The following ABCA13 variants were observed in gnomAD, a reference collection of about 807,000 sequenced individuals.
ABCA13 encodes ATP-binding cassette sub-family A member 13.
In ABCA13, 476 loss-of-function variants were observed where a neutral mutation model predicts 478.7. The observed-to-expected ratio is 0.99, with a 90% CI of 0.92 to 1.07. The LOEUF (loss-of-function observed/expected upper bound fraction) is 1.07. Among genes scored for constraint, ABCA13 ranks in the 50% least tolerant of loss-of-function variants. The probability of loss-of-function intolerance (pLI) is 0.00; values close to 1 mark genes in which losing one functional copy is unlikely to be tolerated. For missense variants in ABCA13, 6,060 were observed against 5,910.6 expected (o/e 1.03, Z -0.83); for synonymous variants, 2,252 against 2,158.9 (o/e 1.04, Z -1.20).
At position 48,274,422 on chromosome 7, in the gene ABCA13, A is replaced by G. The variant is rs372831261; in HGVS notation, c.4756A>G (p.Lys1586Glu). ...NLLNIFATSPKEKDVNSVGNS... is the reference protein window; with the variant it reads ...NLLNIFATSPEEKDVNSVGNS... ...GTTAAACATATTTGCCACCAGTCCA[A>G]AAGAAAAGGATGTAAACAGTGTAGG... is the stretch of plus-strand genomic sequence containing the variant. Residue 1586 changes from lysine to glutamate, a missense_variant, in exon 17 of 62, where the codon AAA (lysine) becomes GAA (glutamate). This residue lies in a region of ABCA13 where 4,423 missense variants were observed against 4,309.1 expected (regional missense o/e 1.03). Transcript: ENST00000435803. 3.1e-6 allele frequency: 5 copies of G among 1,612,940 alleles called. No homozygotes were observed. Among genetic ancestry groups the G allele is most frequent in the Non-Finnish European group, 2.5e-6 (3 of 1,179,572 alleles).
chr7:48,570,486 G>A (rs1787523873), intron 55 of ABCA13, among the ~76,000 whole-genome samples: 1 of 151,618 alleles, frequency 6.6e-6, no homozygotes, highest in South Asian at 2.1e-4. Context: ...CACCACGCCT[G>A]GCCAATTTTT....
chr7:48,332,113 GCATGGTC>G lies in ABCA13; in HGVS notation c.10000-3306_10000-3300del, dbSNP rs532211097. On this transcript the variant is annotated intron_variant, in intron 27 of 61. Coordinates refer to ENST00000435803, the MANE Select transcript of ABCA13 (RefSeq NM_152701.5). Reference sequence around the variant, plus strand: ...ATTGCTGAATAACATTCCCTGGTATGCATGGTCCACAGTTTCTTTAACCATTTACACA... The same window carrying G: ...ATTGCTGAATAACATTCCCTGGTATGCACAGTTTCTTTAACCATTTACACA... Among the ~76,000 whole-genome samples, 10 of 152,290 alleles carry G rather than the reference GCATGGTC, an allele frequency of 6.6e-5. No homozygotes were observed. The South Asian group carries it at 2.1e-3, about 32-fold the overall frequency.
intron 53 of ABCA13, among the ~76,000 whole-genome samples, chr7:48,523,891 A>T (rs559138009): frequency 7.2e-5 from 11 of 152,328 alleles, no homozygotes; most frequent in South Asian, 4.1e-4. Flanking sequence ...CTTGTTTAGT[A>T]AAAAGCACTT....
chr7:48,304,039 C>G (rs1053375353), intron 23 of ABCA13, among the ~76,000 whole-genome samples: 1 of 152,132 alleles, frequency 6.6e-6, no homozygotes, highest in African/African-American at 2.4e-5. Flanking sequence ...TTGATCATGA[C>G]TGTATCGACA....
chr7:48,471,999 T>C (rs1421545779), intron 45 of ABCA13, among the ~76,000 whole-genome samples: 2 of 152,326 alleles, frequency 1.3e-5, no homozygotes, highest in East Asian at 3.9e-4. Context: ...AGATGCCCCT[T>C]AGCTCTCTGA....
chr7:48,248,181 A>G, intron 13 of ABCA13, 58 bp from the exon 14 acceptor site: 1 of 1,450,602 alleles, frequency 6.9e-7, no homozygotes, highest in East Asian at 2.4e-5. Flanking sequence ...CTGCGTCTCA[A>G]ATACCCACAT....
chr7:48,420,731 CTT>C (rs35346221), intron 41 of ABCA13, among the ~76,000 whole-genome samples: 23 of 137,504 alleles, frequency 1.7e-4, no homozygotes, highest in Admixed American at 2.2e-4. Flanking sequence ...AGGGCTTGAT[CTT>C]TTTTTTTTTT....
chr7:48,186,365 T>A (rs1796350902), intron 1 of ABCA13, among the ~76,000 whole-genome samples: 1 of 152,128 alleles, frequency 6.6e-6, no homozygotes, highest in African/African-American at 2.4e-5. Context: ...TAAAGATATT[T>A]AACTATCTCT....
intron 31 of ABCA13, among the ~76,000 whole-genome samples, chr7:48,360,349 C>T (rs1810635343): frequency 6.6e-6 from 1 of 151,854 alleles, no homozygotes; most frequent in African/African-American, 2.4e-5. Context: ...TCATCCATGT[C>T]CCTACAAAGG....
At chr7:48,633,831 G>T (rs1338459417) in intron 59 of ABCA13, among the ~76,000 whole-genome samples, 1 of 152,100 alleles carries the variant, frequency 6.6e-6, no homozygotes, top group African/African-American at 2.4e-5. Context: ...AGAAATTGCA[G>T]TGAGCCAAGA....
At chr7:48,610,400 G>A (rs7811654) in intron 58 of ABCA13, among the ~76,000 whole-genome samples, 94,258 of 152,004 alleles carry the variant, frequency 0.62, 29,868 homozygotes, top group African/African-American at 0.74. Context: ...TGTGGGGCTC[G>A]GCTCCCAAGG....
chr7:48,346,839 A>G (rs531665631), intron 29 of ABCA13, among the ~76,000 whole-genome samples: 5 of 152,370 alleles, frequency 3.3e-5, no homozygotes, highest in Admixed American at 3.3e-4. Flanking sequence ...GAGCAAAGCC[A>G]TGTCTTGTCA....
intron 27 of ABCA13, among the ~76,000 whole-genome samples, chr7:48,329,982 C>A (rs1326106623): frequency 6.6e-6 from 1 of 151,536 alleles, no homozygotes; most frequent in Non-Finnish European, 1.5e-5. Context: ...TCTATGCATC[C>A]ATTCATCTAT....
chr7:48,268,549 G>A (rs1009799265), intron 15 of ABCA13, among the ~76,000 whole-genome samples: 7 of 152,134 alleles, frequency 4.6e-5, no homozygotes, highest in South Asian at 2.1e-4. Flanking sequence ...ATACTCAAGC[G>A]AAGCACACTG....
chr7:48,454,901 A>G (rs1408710833), intron 42 of ABCA13, 136 bp from the exon 43 acceptor site: 2 of 1,226,076 alleles, frequency 1.6e-6, no homozygotes, highest in Non-Finnish European at 2.2e-6. Context: ...CACTCAAGGG[A>G]GTCCTCATGG....
intron 23 of ABCA13, among the ~76,000 whole-genome samples, chr7:48,309,224 T>C (rs149327575): frequency 2.4e-4 from 36 of 152,168 alleles, no homozygotes; most frequent in Admixed American, 1.1e-3. Flanking sequence ...TCGGCCTCAG[T>C]TGGCCTGAAT....
intron 61 of ABCA13, 134 bp downstream of exon 61, chr7:48,644,888 TATG>T: frequency 9.9e-7 from 1 of 1,012,966 alleles, no homozygotes; most frequent in South Asian, 2.3e-5. Context: ...TTTATAAAAT[TATG>T]ATAAGGATGG....
At chr7:48,635,116 T>C (rs184641091) in intron 59 of ABCA13, among the ~76,000 whole-genome samples, 224 of 151,880 alleles carry the variant, frequency 1.5e-3, no homozygotes, top group African/African-American at 5.0e-3. Context: ...GCCTGTAGTT[T>C]AGCCTGTATC....
intron 50 of ABCA13, among the ~76,000 whole-genome samples, chr7:48,510,192 G>T (rs562870328): frequency 6.6e-6 from 1 of 152,216 alleles, no homozygotes; most frequent in East Asian, 1.9e-4. Flanking sequence ...GGCCATGACT[G>T]GGTCTGTTGA....
Sources: allele counts gnomAD v4.1 joint callset (sites outside exome capture counted in the v4.1 genomes callset), GRCh38; gene constraint gnomAD v4.1.1; regional missense constraint gnomAD v4.1.1; transcripts MANE v1.5; gene names NCBI Gene and HGNC (gene_info 2026-07-23, HGNC 2026-07-21).